SYNE1: variants seen among roughly 807,000 people sequenced by gnomAD.
SYNE1 encodes spectrin repeat containing nuclear envelope protein 1, also known as nesprin-1.
Under a neutral mutation model 1,111.0 loss-of-function variants are expected in SYNE1, and 616 were observed. That is an observed-to-expected ratio of 0.55 (90% CI 0.52 to 0.59). The LOEUF is 0.59. Ranked by LOEUF, SYNE1 falls within the 20% of genes least tolerant of loss-of-function variation. SYNE1 has a pLI of 0.00. For synonymous variants in SYNE1, 3,855 were observed against 3,825.8 expected (o/e 1.01, Z -0.28); for missense variants, 10,006 against 10,417.0 (o/e 0.96, Z 1.72).
chr6:152,433,724 T>G (rs940106927), intron 34 of SYNE1, 71 bp downstream of exon 34: 2 of 1,573,008 alleles, frequency 1.3e-6, no homozygotes, highest in African/African-American at 2.7e-5. Context: ...CGAACAGCAT[T>G]TGATGAAATG....
intron 42 of SYNE1, among the ~76,000 whole-genome samples, chr6:152,412,851 A>ATTTTTTTT (rs373723820): frequency 0.25 from 31,820 of 127,546 alleles, 3,354 homozygotes; most frequent in East Asian, 0.57. Flanking sequence ...TTCACATGTA[A>ATTTTTTTT]TTTTTTTTTT....
intron 58 of SYNE1, among the ~76,000 whole-genome samples, chr6:152,375,621 CAT>C (rs2097266236): frequency 6.6e-6 from 1 of 152,126 alleles, no homozygotes; most frequent in African/African-American, 2.4e-5. Context: ...AATGAACAAA[CAT>C]AAAATATAAC....
rs1444161224 is a variant in SYNE1 at position 152,236,899 on chromosome 6, T to G, written c.20117A>C (p.Glu6706Ala). ...EDQQELSRQL[E>A]VVESSIPSVG... is the part of the protein sequence containing the mutation. ...GCTTGGGATGCTGCTTTCCACCACC[T>G]CCAGCTGTCTGCTGAGCTCCTGCTG... Residue 6706 changes from glutamate to alanine, a missense_variant, in exon 109 of 146, where the codon GAG becomes GCG. By Grantham distance (107) the Glu-to-Ala change is moderately radical (BLOSUM62 -1). Coordinates refer to ENST00000367255, the MANE Select transcript of SYNE1 (RefSeq NM_182961.4). The G allele has an allele frequency of 2.5e-6, 4 of 1,614,102 alleles. No homozygotes were observed. Among genetic ancestry groups the G allele is most frequent in the Non-Finnish European group, 3.4e-6 (4 of 1,180,002 alleles).
chr6:152,232,241 G>A lies in SYNE1; in HGVS notation c.20737C>T (p.Arg6913Cys), dbSNP rs142593312. 103 of 1,613,754 alleles carry A rather than the reference G, an allele frequency of 6.4e-5. 1 individual carries two copies. The highest frequency in any genetic ancestry group is 9.3e-5 in the African/African-American group (7 of 74,874). The stretch of plus-strand genomic sequence containing the variant: ...CTCATGACTTCAGAAATGGCATGGC[G>A]GGAAGGCAGTTTATCCATCTGGAGC... ...HQLQMDKLPS[R>C]HAISEVMSWI... The change falls in exon 113 of 146, where the codon CGC (arginine) becomes TGC (cysteine). Residue 6913 changes from arginine to cysteine, a missense_variant. Around this residue, in one of 7 missense-constraint regions of SYNE1, gnomAD observed 2,182 missense variants for 2,287.8 expected, o/e 0.95. Transcript: ENST00000367255.
chr6:152,559,486 G>A (rs567029104), intron 3 of SYNE1, among the ~76,000 whole-genome samples: 19 of 152,070 alleles, frequency 1.2e-4, no homozygotes, highest in Admixed American at 1.2e-3. Flanking sequence ...GTAATATGAA[G>A]AAAATTTGAA....
chr6:152,185,433 T>A (rs1159296417), intron 128 of SYNE1: 1 of 152,186 alleles, frequency 6.6e-6, no homozygotes, highest in Non-Finnish European at 1.5e-5. Flanking sequence ...ACAAGCTCAT[T>A]TCCTTTTGTG....
chr6:152,506,644 G>A (rs1451617586), intron 8 of SYNE1, among the ~76,000 whole-genome samples: 1 of 151,726 alleles, frequency 6.6e-6, no homozygotes. Flanking sequence ...CAGGCTCAAG[G>A]GATTCTTGCA....
intron 5 of SYNE1, among the ~76,000 whole-genome samples, chr6:152,525,475 T>A (rs2099159379): frequency 6.6e-6 from 1 of 152,182 alleles, no homozygotes. Flanking sequence ...GAAAAAGAGA[T>A]AAGCAAGAAG....
chr6:152,169,472 G>A (rs1197249064), intron 130 of SYNE1, among the ~76,000 whole-genome samples: 5 of 143,684 alleles, frequency 3.5e-5, no homozygotes, highest in Non-Finnish European at 6.0e-5. Flanking sequence ...TGAGGCAGGA[G>A]AATGGCGTGA....
chr6:152,559,125 G>T (rs1366290668), intron 3 of SYNE1, among the ~76,000 whole-genome samples: 1 of 152,160 alleles, frequency 6.6e-6, no homozygotes, highest in Non-Finnish European at 1.5e-5. Context: ...GGGCTAGAGT[G>T]CAGTGGCACT....
chr6:152,583,342 C>T (rs560024986), intron 3 of SYNE1, among the ~76,000 whole-genome samples: 1 of 152,168 alleles, frequency 6.6e-6, no homozygotes, highest in Admixed American at 6.5e-5. Context: ...TATCTGCCTC[C>T]CTGGGAGGAC....
intron 104 of SYNE1, among the ~76,000 whole-genome samples, chr6:152,253,824 T>TTTTTTG: frequency 1.8e-5 from 1 of 54,184 alleles, no homozygotes; most frequent in Non-Finnish European, 3.0e-5. Flanking sequence ...TTTGGTTTTT[T>TTTTTTG]TTTTTTTTTT....
At chr6:152,310,605 TGAGCACTATTTCC>T (rs1404854324) in intron 88 of SYNE1, 70 bp downstream of exon 88, 2 of 1,609,842 alleles carry the variant, frequency 1.2e-6, no homozygotes, top group Non-Finnish European at 1.7e-6. Flanking sequence ...ACATCACAGG[TGAGCACTATTTCC>T]ATAGTGGCAT....
chr6:152,630,768 C>T (rs1196273489), intron 2 of SYNE1, among the ~76,000 whole-genome samples: 1 of 152,168 alleles, frequency 6.6e-6, no homozygotes, highest in East Asian at 1.9e-4. Flanking sequence ...CACACAGTCC[C>T]CACCTTCAAT....
intron 3 of SYNE1, among the ~76,000 whole-genome samples, chr6:152,610,226 G>A (rs1343802524): frequency 2.6e-5 from 4 of 152,124 alleles, no homozygotes; most frequent in East Asian, 3.9e-4. Context: ...CAAACCCATC[G>A]CAAGGAAGCT....
intron 126 of SYNE1, among the ~76,000 whole-genome samples, chr6:152,203,999 C>T (rs2076018953): frequency 1.3e-5 from 2 of 152,214 alleles, no homozygotes; most frequent in South Asian, 4.2e-4. Context: ...AATTAAACAA[C>T]ATTCTCAATA....
chr6:152,301,100 T>C (rs1321632093), intron 92 of SYNE1, among the ~76,000 whole-genome samples: 1 of 152,194 alleles, frequency 6.6e-6, no homozygotes, highest in Non-Finnish European at 1.5e-5. Flanking sequence ...TCACGAATCA[T>C]ACAAATGAGA....
intron 100 of SYNE1, among the ~76,000 whole-genome samples, chr6:152,263,706 C>A (rs1279423590): frequency 6.6e-6 from 1 of 151,964 alleles, no homozygotes; most frequent in Non-Finnish European, 1.5e-5. Flanking sequence ...CCAAGTTTAA[C>A]TTTTAGAGTG....
chr6:152,308,636 T>TTA lies in SYNE1; in HGVS notation c.17203-5_17203-4insTA. On this transcript the variant is annotated splice_region_variant and splice_polypyrimidine_tract_variant and intron_variant, in intron 90 of 145. Transcript: ENST00000367255. ...GTTCATATTGTACCACAGCTTCCTT[T>TTA]GAAAAAAAAAAAAAACAGAAAGATA... is the stretch of plus-strand genomic sequence containing the variant. The TTA allele has an allele frequency of 1.3e-6, 2 of 1,545,174 alleles. No individual in the cohort carries two copies. Among genetic ancestry groups the TTA allele is most frequent in the Non-Finnish European group, 8.6e-7 (1 of 1,157,330 alleles).
Sources: allele counts gnomAD v4.1 joint callset (sites outside exome capture counted in the v4.1 genomes callset), GRCh38; gene constraint gnomAD v4.1.1; regional missense constraint gnomAD v4.1.1; transcripts MANE v1.5; gene names NCBI Gene and HGNC (gene_info 2026-07-23, HGNC 2026-07-21).